The following RBPMS variants were observed in gnomAD, a reference collection of about 807,000 sequenced individuals.
RBPMS encodes RNA binding protein, mRNA processing factor, also known as RNA-binding protein with multiple splicing.
Under a neutral mutation model 26.8 loss-of-function variants are expected in RBPMS, and 7 were observed. The observed-to-expected ratio is 0.26, with a 90% CI of 0.15 to 0.49. The LOEUF (loss-of-function observed/expected upper bound fraction) is 0.49. RBPMS is among the 20% of genes least tolerant of loss of function. RBPMS has a pLI of 0.98. For missense variants in RBPMS, 186 were observed against 250.0 expected (o/e 0.74, Z 1.73); for synonymous variants, 96 against 93.3 (o/e 1.03, Z -0.17).
At chr8:30,459,346 C>G (rs185869288) in intron 1 of RBPMS, among the ~76,000 whole-genome samples, 2 of 151,980 alleles carry the variant, frequency 1.3e-5, no homozygotes, top group African/African-American at 4.8e-5. Context: ...TCCTTGAACT[C>G]GTGTGCTCAA....
At chr8:30,468,563 T>C (rs1288651425) in intron 1 of RBPMS, among the ~76,000 whole-genome samples, 1 of 152,196 alleles carries the variant, frequency 6.6e-6, no homozygotes, top group African/African-American at 2.4e-5. Flanking sequence ...CTGAACTGTT[T>C]ACAAGCAAAT....
chr8:30,470,769 T>C (rs1817002827), intron 1 of RBPMS, among the ~76,000 whole-genome samples: 1 of 152,208 alleles, frequency 6.6e-6, no homozygotes, highest in South Asian at 2.1e-4. Context: ...GCCTCCAGTT[T>C]GATGAACAAA....
At chr8:30,524,488 T>C (rs1823375278) in intron 5 of RBPMS, among the ~76,000 whole-genome samples, 1 of 152,146 alleles carries the variant, frequency 6.6e-6, no homozygotes, top group Non-Finnish European at 1.5e-5. Flanking sequence ...CTCAGGTCTA[T>C]ATATGTAAAT....
intron 5 of RBPMS, among the ~76,000 whole-genome samples, chr8:30,507,873 T>C (rs1275306171): frequency 1.3e-5 from 2 of 152,312 alleles, no homozygotes; most frequent in East Asian, 3.9e-4. Flanking sequence ...TTTATGTGAA[T>C]TATCTCATTT....
intron 4 of RBPMS, among the ~76,000 whole-genome samples, chr8:30,500,379 T>A (rs532721959): frequency 2.0e-5 from 3 of 151,468 alleles, no homozygotes; most frequent in Non-Finnish European, 4.4e-5. Flanking sequence ...GCCATGGACA[T>A]CTTTCTCAAT....
At chr8:30,441,219 G>A (rs2150707054) in intron 1 of RBPMS, among the ~76,000 whole-genome samples, 1 of 152,310 alleles carries the variant, frequency 6.6e-6, no homozygotes, top group Non-Finnish European at 1.5e-5. Context: ...TGAGATTTGT[G>A]TGCGATCTGC....
rs1828247431 is a variant in RBPMS at position 30,571,430 on chromosome 8, T to C, written c.*905T>C. ...CAGCCCCGCATCCCTGCTCCCGCAG[T>C]GTAAGTGCAGAGCCTGCCTCACTGG... On this transcript the variant is annotated 3_prime_UTR_variant, in exon 9 of 9. Transcript: ENST00000397323. The C allele has an allele frequency of 1.3e-5, 2 of 152,312 alleles. No homozygotes were observed. The highest frequency in any genetic ancestry group is 4.1e-4 in the South Asian group (2 of 4,836). The allele number at this position is 152,312 out of a possible 1,614,324, so 9.4% of individuals were successfully genotyped here.
chr8:30,450,635 G>T (rs995364236), intron 1 of RBPMS, among the ~76,000 whole-genome samples: 2 of 152,070 alleles, frequency 1.3e-5, no homozygotes, highest in African/African-American at 4.8e-5. Flanking sequence ...AAGAGAAGAA[G>T]TCATCTCATA....
At chr8:30,435,613 T>C (rs913277669) in intron 1 of RBPMS, among the ~76,000 whole-genome samples, 2 of 152,178 alleles carry the variant, frequency 1.3e-5, no homozygotes, top group Admixed American at 6.5e-5. Flanking sequence ...GTTGGTGATA[T>C]ACACAGACAA....
chr8:30,424,493 G>A (rs570758734), intron 1 of RBPMS, among the ~76,000 whole-genome samples: 2 of 152,286 alleles, frequency 1.3e-5, no homozygotes, highest in South Asian at 2.1e-4. Flanking sequence ...TGTGACATTG[G>A]AAATTTAATT....
At chr8:30,421,171 G>C (rs566314498) in intron 1 of RBPMS, among the ~76,000 whole-genome samples, 1 of 151,396 alleles carries the variant, frequency 6.6e-6, no homozygotes, top group African/African-American at 2.4e-5. Flanking sequence ...GTGTGAGAGA[G>C]AGTGTGTGTG....
At chr8:30,503,273 CAG>C (rs1820744280) in intron 4 of RBPMS, among the ~76,000 whole-genome samples, 1 of 152,048 alleles carries the variant, frequency 6.6e-6, no homozygotes, top group Admixed American at 6.6e-5. Flanking sequence ...TTTTTTGAGA[CAG>C]AGTCTAGCTC....
chr8:30,452,234 A>G (rs562271258), intron 1 of RBPMS, among the ~76,000 whole-genome samples: 8 of 152,312 alleles, frequency 5.3e-5, no homozygotes, highest in African/African-American at 1.4e-4. Flanking sequence ...GAGGGCTGTC[A>G]TAAGTGGCCA....
intron 5 of RBPMS, among the ~76,000 whole-genome samples, chr8:30,511,489 ATATATATATATATAT>A (rs1563393239): frequency 0.014 from 109 of 7,574 alleles, 6 homozygotes; most frequent in African/African-American, 0.063. Context: ...AAAAAAAAAT[ATATATATATATATAT>A]ATATATATAT....
At chr8:30,449,957 T>TC (rs1399215621) in intron 1 of RBPMS, among the ~76,000 whole-genome samples, 3 of 152,250 alleles carry the variant, frequency 2.0e-5, no homozygotes, top group Non-Finnish European at 4.4e-5. Flanking sequence ...TAGTTACACT[T>TC]CAAGTCAACT....
chr8:30,552,168 C>A (rs1012553113), intron 6 of RBPMS, among the ~76,000 whole-genome samples: 1 of 152,016 alleles, frequency 6.6e-6, no homozygotes, highest in Non-Finnish European at 1.5e-5. Flanking sequence ...TGGCGTATAC[C>A]GAGAGGAGGC....
At chr8:30,554,533 A>G (rs1826683574) in intron 6 of RBPMS, among the ~76,000 whole-genome samples, 1 of 152,224 alleles carries the variant, frequency 6.6e-6, no homozygotes, top group South Asian at 2.1e-4. Flanking sequence ...CCTTGACATT[A>G]GAGCATTTCT....
chr8:30,427,936 C>T (rs1260996163), intron 1 of RBPMS, among the ~76,000 whole-genome samples: 1 of 151,998 alleles, frequency 6.6e-6, no homozygotes, highest in Non-Finnish European at 1.5e-5. Flanking sequence ...TGCATGTGAT[C>T]CCAGCAGTTT....
In RBPMS at chr8:30,462,780, GAC is replaced by G. The variant is rs913794998; in HGVS notation, c.67-11997_67-11996del. 2.6e-5 allele frequency among the ~76,000 whole-genome samples: 4 copies of G among 152,062 alleles called. No individual in the cohort carries two copies. The South Asian group carries it at 6.2e-4, about 24-fold the overall frequency. On this transcript the variant is annotated intron_variant, in intron 1 of 8. Transcript: ENST00000397323. Reference sequence around the variant, plus strand: ...ATCTCAAAAATGGAATATAAAGAGAGACAGAGATTTTCCTGATGGGCCAAAAG... The same window carrying G: ...ATCTCAAAAATGGAATATAAAGAGAGAGAGATTTTCCTGATGGGCCAAAAG...
Sources: gnomAD v4.1 joint callset for allele counts (sites outside exome capture counted in the v4.1 genomes callset) on GRCh38, gnomAD v4.1.1 for gene constraint, MANE v1.5 for transcripts, NCBI Gene and HGNC (gene_info 2026-07-23, HGNC 2026-07-21) for gene names.